AGBL4: variants seen among roughly 807,000 people sequenced by gnomAD.
AGBL4 encodes the protein cytosolic carboxypeptidase 6.
In AGBL4, 58 loss-of-function variants were observed where a neutral mutation model predicts 66.4. The ratio of observed to expected loss-of-function variants is 0.87; its 90% confidence interval spans 0.71 to 1.09. The LOEUF is 1.09. Among genes scored for constraint, AGBL4 ranks in the 50% least tolerant of loss-of-function variants. The pLI, the probability that AGBL4 is intolerant of heterozygous loss-of-function variation, is 0.00. For synonymous variants in AGBL4, 234 were observed against 222.9 expected (o/e 1.05, Z -0.44); for missense variants, 579 against 631.0 (o/e 0.92, Z 0.88).
intron 3 of AGBL4, among the ~76,000 whole-genome samples, chr1:49,335,736 C>A (rs999958514): frequency 2.0e-5 from 3 of 152,076 alleles, no homozygotes; most frequent in Admixed American, 2.0e-4. Flanking sequence ...AGGATGGTCT[C>A]AATCTCCTGA....
intron 2 of AGBL4, among the ~76,000 whole-genome samples, chr1:49,719,750 G>A (rs568690705): frequency 1.3e-5 from 2 of 152,160 alleles, no homozygotes; most frequent in South Asian, 4.1e-4. Flanking sequence ...CTATGGGAGG[G>A]ATCTGGTGGG....
chr1:49,386,541 G>T (rs931810136), intron 3 of AGBL4, among the ~76,000 whole-genome samples: 1 of 151,890 alleles, frequency 6.6e-6, no homozygotes, highest in Non-Finnish European at 1.5e-5. Context: ...GGAATTAATT[G>T]TGTTTTGGGG....
At chr1:49,120,187 A>T (rs1181325450) in intron 4 of AGBL4, among the ~76,000 whole-genome samples, 1 of 152,130 alleles carries the variant, frequency 6.6e-6, no homozygotes, top group Non-Finnish European at 1.5e-5. Context: ...ATTTAAGGTT[A>T]ATATTGTTAT....
chr1:48,908,542 A>C (rs1383038644), intron 5 of AGBL4, among the ~76,000 whole-genome samples: 1 of 152,194 alleles, frequency 6.6e-6, no homozygotes, highest in African/African-American at 2.4e-5. Flanking sequence ...TGGAAGTAAG[A>C]ATATTTTAGT....
At chr1:48,987,205 A>G (rs1288121862) in intron 5 of AGBL4, among the ~76,000 whole-genome samples, 2 of 152,042 alleles carry the variant, frequency 1.3e-5, no homozygotes, top group African/African-American at 2.4e-5. Context: ...AGCAAAATGA[A>G]CACCGTAATT....
intron 4 of AGBL4, among the ~76,000 whole-genome samples, chr1:49,116,581 T>C (rs61783567): frequency 0.026 from 3,999 of 152,340 alleles, 154 homozygotes; most frequent in Admixed American, 0.11. Context: ...TAGTATTGCA[T>C]GGTGTGTATG....
chr1:49,650,561 T>C (rs528677865), intron 3 of AGBL4, among the ~76,000 whole-genome samples: 7 of 152,270 alleles, frequency 4.6e-5, no homozygotes, highest in Non-Finnish European at 8.8e-5. Flanking sequence ...TGTGCACCTG[T>C]TGTGGGCCAT....
At chr1:48,986,943 C>G (rs1457186633) in intron 5 of AGBL4, among the ~76,000 whole-genome samples, 1 of 151,844 alleles carries the variant, frequency 6.6e-6, no homozygotes, top group South Asian at 2.1e-4. Context: ...ACTACAAACC[C>G]TACATAAGCT....
chr1:48,766,698 G>T (rs1489587253), intron 6 of AGBL4, among the ~76,000 whole-genome samples: 1 of 152,180 alleles, frequency 6.6e-6, no homozygotes, highest in Non-Finnish European at 1.5e-5. Flanking sequence ...CTGCCTCCAT[G>T]CTTGGCCAGG....
intron 7 of AGBL4, among the ~76,000 whole-genome samples, chr1:48,659,621 C>A (rs186944507): frequency 6.6e-6 from 1 of 152,208 alleles, no homozygotes. Context: ...AGGCCAAGCT[C>A]CTGGCTTGCA....
chr1:48,807,580 C>T (rs1454853802), intron 6 of AGBL4, among the ~76,000 whole-genome samples: 1 of 152,150 alleles, frequency 6.6e-6, no homozygotes, highest in African/African-American at 2.4e-5. Flanking sequence ...CTGCTTTGGG[C>T]CAACTATTCT....
At chr1:49,466,764 ATCC>A (rs1221167383) in intron 3 of AGBL4, among the ~76,000 whole-genome samples, 1 of 151,822 alleles carries the variant, frequency 6.6e-6, no homozygotes, top group Admixed American at 6.6e-5. Context: ...CTGGGTTCGT[ATCC>A]TCATTACAGA....
At position 49,505,877 on chromosome 1, in the gene AGBL4, G is replaced by T. The variant is rs1447950963; in HGVS notation, c.282+191436C>A. On this transcript the variant is annotated intron_variant, in intron 3 of 13. Coordinates refer to ENST00000371839, the MANE Select transcript of AGBL4 (RefSeq NM_032785.4). ...CTATACCATGTACATTTGCTCTGTT[G>T]AAGCTGTTCTATAATTCCCGTAAAC... Among the ~76,000 whole-genome samples, 39 of 151,688 alleles carry T rather than the reference G, an allele frequency of 2.6e-4. 1 individual carries two copies. Among genetic ancestry groups the T allele is most frequent in the Admixed American group, 2.6e-3 (39 of 15,222 alleles).
At chr1:49,075,761 T>C (rs976438007) in intron 4 of AGBL4, among the ~76,000 whole-genome samples, 134 of 152,306 alleles carry the variant, frequency 8.8e-4, no homozygotes, top group African/African-American at 3.1e-3. Context: ...ACTAGACTTT[T>C]ATTTACAATA....
intron 11 of AGBL4, among the ~76,000 whole-genome samples, chr1:48,574,858 G>T (rs74079404): frequency 0.014 from 2,101 of 152,252 alleles, 50 homozygotes; most frequent in African/African-American, 0.049. Context: ...AGCATGTCTT[G>T]GCTGGGCATG....
intron 4 of AGBL4, among the ~76,000 whole-genome samples, chr1:49,113,930 T>C (rs1057340209): frequency 6.6e-6 from 1 of 152,176 alleles, no homozygotes; most frequent in African/African-American, 2.4e-5. Context: ...GGCTTAGTGG[T>C]TGCATTTCTG....
intron 4 of AGBL4, among the ~76,000 whole-genome samples, chr1:49,203,360 T>C (rs991614616): frequency 6.6e-6 from 1 of 152,134 alleles, no homozygotes; most frequent in African/African-American, 2.4e-5. Flanking sequence ...AGCCAAGTTG[T>C]AGAAGCCTTA....
intron 1 of AGBL4, chr1:49,995,348 G>A (rs1316560536): frequency 2.2e-6 from 1 of 450,458 alleles, no homozygotes; most frequent in Non-Finnish European, 4.5e-6. Context: ...AGGCTGCGTT[G>A]GAGCTGGATG....
At chr1:49,332,015 A>G (rs1645345577) in intron 3 of AGBL4, among the ~76,000 whole-genome samples, 1 of 152,218 alleles carries the variant, frequency 6.6e-6, no homozygotes, top group Non-Finnish European at 1.5e-5. Flanking sequence ...CAAGCTGACC[A>G]GGGCAGAGGT....
Sources: gnomAD v4.1 joint callset for allele counts (sites outside exome capture counted in the v4.1 genomes callset) on GRCh38, gnomAD v4.1.1 for gene constraint, MANE v1.5 for transcripts, NCBI Gene and HGNC (gene_info 2026-07-23, HGNC 2026-07-21) for gene names.